The following RINT1 variants were observed in gnomAD, a reference collection of about 807,000 sequenced individuals.
RINT1 encodes RAD50 interactor 1.
A neutral mutation model predicts 97.7 loss-of-function variants in RINT1; 75 were observed. The observed-to-expected ratio is 0.77, with a 90% confidence interval of 0.64 to 0.93. The LOEUF (loss-of-function observed/expected upper bound fraction) is 0.93. Ranked by LOEUF, RINT1 falls within the 40% of genes least tolerant of loss-of-function variation. The probability of loss-of-function intolerance (pLI) is 0.00; values close to 1 mark genes in which losing one functional copy is unlikely to be tolerated. For missense variants in RINT1, 892 were observed against 925.2 expected (o/e 0.96, Z 0.47); for synonymous variants, 303 against 326.3 (o/e 0.93, Z 0.77).
chr7:105,533,830 G>A lies in RINT1; in HGVS notation c.88+961G>A, dbSNP rs572450663. 4.4e-4 allele frequency among the ~76,000 whole-genome samples: 67 copies of A among 152,286 alleles called. 1 individual carries two copies. The South Asian group carries it at 0.012, about 28-fold the overall frequency. On this transcript the variant is annotated intron_variant, in intron 2 of 14. Transcript: ENST00000257700. ...TTTGCCTCATTCAGATGCCTGGAAAGTAGTCTGATGCCTACTGAGCTGTCA... is the reference window on the plus strand; with the variant it reads ...TTTGCCTCATTCAGATGCCTGGAAAATAGTCTGATGCCTACTGAGCTGTCA...
chr7:105,552,573 C>G (rs1195730218), intron 10 of RINT1, among the ~76,000 whole-genome samples: 1 of 151,848 alleles, frequency 6.6e-6, no homozygotes, highest in Non-Finnish European at 1.5e-5. Flanking sequence ...ATCCCTGGCC[C>G]TCTTCACCTT....
intron 7 of RINT1, 143 bp from the exon 8 acceptor site, chr7:105,549,912 G>T: frequency 1.8e-6 from 1 of 555,582 alleles, no homozygotes. Context: ...TTTAAAATTT[G>T]GAGTAGAAAT....
At chr7:105,532,679 C>T in intron 1 of RINT1, 145 bp from the exon 2 acceptor site, 1 of 856,668 alleles carries the variant, frequency 1.2e-6, no homozygotes, top group Non-Finnish European at 1.9e-6. Context: ...TTTGAGGTAC[C>T]TGATTCGGAC....
chr7:105,532,358 G>A lies in RINT1; in HGVS notation c.42+1G>A, dbSNP rs1489338333. 1.2e-6 allele frequency: 2 copies of A among 1,601,688 alleles called. No homozygotes were observed. The highest frequency in any genetic ancestry group is 1.7e-6 in the Non-Finnish European group (2 of 1,175,680). On this transcript the variant is annotated splice_donor_variant, in intron 1 of 14. Coordinates refer to ENST00000257700, the MANE Select transcript of RINT1 (RefSeq NM_021930.6). LOFTEE classifies it high-confidence loss of function. ...GATCGGCGCCTCTCCTGCAGCCCCG[G>A]TGAGACGGCCCTGGCGTCCCTGGGA...
chr7:105,541,195 T>G (rs1325121079), intron 3 of RINT1, among the ~76,000 whole-genome samples: 1 of 150,730 alleles, frequency 6.6e-6, no homozygotes, highest in Non-Finnish European at 1.5e-5. Context: ...CTGGATGGAG[T>G]GCGGTGGTGC....
chr7:105,546,806 A>T, intron 4 of RINT1, 104 bp from the exon 5 acceptor site: 1 of 740,668 alleles, frequency 1.4e-6, no homozygotes. Context: ...AACCTGGGAC[A>T]CAGAATTTGC....
Position 105,562,816 on chromosome 7 carries a change from T to C in RINT1, c.1672-917T>C, listed in dbSNP as rs915733928. 2.6e-5 allele frequency among the ~76,000 whole-genome samples: 4 copies of C among 152,044 alleles called. No individual in the cohort carries two copies. In the East Asian group the frequency reaches 7.7e-4, roughly 29 times the overall value. Reference sequence around the variant, plus strand: ...TACTTAGGAGACTGAGGCAGGAGAATCGCTTGAACCCGGGAGGCGGAGACT... The same window carrying C: ...TACTTAGGAGACTGAGGCAGGAGAACCGCTTGAACCCGGGAGGCGGAGACT... On this transcript the variant is annotated intron_variant, in intron 11 of 14. Coordinates refer to ENST00000257700, the MANE Select transcript of RINT1 (RefSeq NM_021930.6).
rs375563028 is a variant in RINT1, at chr7:105,561,657, G to A, written c.1672-2076G>A. ...GCTTACTGCAAACTCTGCCTCCTGG[G>A]TTCAAGCAATTCTTCTGCCTCAGCC... On this transcript the variant is annotated intron_variant, in intron 11 of 14. Transcript: ENST00000257700. 5.5e-4 allele frequency among the ~76,000 whole-genome samples: 83 copies of A among 152,242 alleles called. 2 individuals carry two copies. The East Asian group carries it at 0.015, about 28-fold the overall frequency.
At chr7:105,543,186 G>C (rs989015394) in intron 4 of RINT1, among the ~76,000 whole-genome samples, 1 of 152,050 alleles carries the variant, frequency 6.6e-6, no homozygotes, top group Non-Finnish European at 1.5e-5. Context: ...TACCGCGTCC[G>C]GCCAAACTTT....
At position 105,532,232 on chromosome 7, in the gene RINT1, G is replaced by A. The variant is rs1790060607; in HGVS notation, c.-84G>A. On this transcript the variant is annotated 5_prime_UTR_variant, in exon 1 of 15. Coordinates refer to ENST00000257700, the MANE Select transcript of RINT1 (RefSeq NM_021930.6). The stretch of plus-strand genomic sequence containing the variant: ...CTCAGTCCTACGGCCTCCGAGGCTG[G>A]GTAGTGAGTGTGTCGCTGGCCTTAG... The A allele has an allele frequency of 1.4e-6, 2 of 1,453,072 alleles. No homozygotes were observed. The highest frequency in any genetic ancestry group is 1.9e-6 in the Non-Finnish European group (2 of 1,074,804). The allele number at this position is 1,453,072 out of a possible 1,614,324, so 90.0% of individuals were successfully genotyped here.
At chr7:105,551,156 GTAGCTGGGAGTATAGGT>G (rs1437434230) in intron 9 of RINT1, among the ~76,000 whole-genome samples, 9 of 152,246 alleles carry the variant, frequency 5.9e-5, no homozygotes, top group Admixed American at 4.6e-4. Context: ...AGCCACCCCA[GTAGCTGGGAGTATAGGT>G]ATATGCAAGC....
Position 105,536,553 on chromosome 7 carries a change from CT to C in RINT1, c.89-8del. The stretch of plus-strand genomic sequence containing the variant: ...TTAGTGGCGTTGAGTAATTGTTATT[CT>C]TTTGTTGTAGGTGACATAAATGTTA... On this transcript the variant is annotated splice_polypyrimidine_tract_variant and intron_variant, in intron 2 of 14. Transcript: ENST00000257700. 1 of 1,546,770 alleles carries C rather than the reference CT, an allele frequency of 6.5e-7. No homozygotes were observed. Among genetic ancestry groups the C allele is most frequent in the Non-Finnish European group, 8.8e-7 (1 of 1,139,794 alleles).
rs754900732 is a variant in RINT1, at chr7:105,548,657, A to G, written c.943A>G (p.Lys315Glu). The G allele has an allele frequency of 1.9e-6, 3 of 1,614,022 alleles. No individual in the cohort carries two copies. In the African/African-American group the frequency reaches 4.0e-5, roughly 22 times the overall value. ...CCAGGTTATGCTGACTCCTCTTCAG[A>G]AGAGGTTCAGGTATCACTTCAGAGG... is the stretch of plus-strand genomic sequence containing the variant. ...PIQVMLTPLQ[K>E]RFRYHFRGNR... The change falls in exon 7 of 15, where the codon AAG becomes GAG. Residue 315 changes from lysine to glutamate, a missense_variant. Lys to Glu is a moderately conservative substitution (Grantham distance 56, BLOSUM62 1). Transcript: ENST00000257700.
intron 10 of RINT1, among the ~76,000 whole-genome samples, chr7:105,552,279 A>G (rs913471503): frequency 1.3e-5 from 2 of 152,214 alleles, no homozygotes; most frequent in African/African-American, 4.8e-5. Context: ...TTTATTATCC[A>G]AACTGTCTTG....
rs201892348 is a variant in RINT1 at position 105,565,621 on chromosome 7, G to T, written c.2159G>T (p.Cys720Phe). ...CTTTTCCCTTTGTTTTCTCACTATT[G>T]CAAGAGACCAGAAAATTATTTTAAA... ...RNLFPLFSHY[C>F]KRPENYFKHI... Residue 720 changes from cysteine to phenylalanine, a missense_variant, in exon 14 of 15, where the codon TGC becomes TTC. Cys to Phe is a radical substitution (Grantham distance 205). Transcript: ENST00000257700. 2.1e-5 allele frequency: 34 copies of T among 1,610,562 alleles called. No individual in the cohort carries two copies. Among genetic ancestry groups the T allele is most frequent in the Non-Finnish European group, 2.5e-5 (29 of 1,177,466 alleles).
intron 11 of RINT1, among the ~76,000 whole-genome samples, chr7:105,559,867 AGAATG>A (rs1469364876): frequency 6.6e-6 from 1 of 152,246 alleles, no homozygotes; most frequent in African/African-American, 2.4e-5. Context: ...AAAAGGAAAA[AGAATG>A]GACAGAATTC....
In RINT1 at chr7:105,563,718, T is replaced by C. The variant is rs1032449812; in HGVS notation, c.1672-15T>C. The stretch of plus-strand genomic sequence containing the variant: ...AAAAAAGTATGCTAATGTGTTAACA[T>C]GTTTTTGCTTTCAGTTCTTTCTACA... On this transcript the variant is annotated splice_polypyrimidine_tract_variant and intron_variant, in intron 11 of 14. Transcript: ENST00000257700. 13 of 1,597,724 alleles carry C rather than the reference T, an allele frequency of 8.1e-6. No individual in the cohort carries two copies. Among genetic ancestry groups the C allele is most frequent in the African/African-American group, 2.7e-5 (2 of 74,578 alleles).
At position 105,565,519 on chromosome 7, in the gene RINT1, CTT is replaced by C; in HGVS notation, c.2068-9_2068-8del. On this transcript the variant is annotated splice_polypyrimidine_tract_variant and intron_variant, in intron 13 of 14. Coordinates refer to ENST00000257700, the MANE Select transcript of RINT1 (RefSeq NM_021930.6). ...AAAGACAACTGTTATATGAATTATT[CTT>C]TGTTTCAGATAATTCTTGCTAATCA... is the stretch of plus-strand genomic sequence containing the variant. 3.7e-6 allele frequency: 6 copies of C among 1,609,802 alleles called. No individual in the cohort carries two copies. The highest frequency in any genetic ancestry group is 1.3e-5 in the African/African-American group (1 of 74,886).
At chr7:105,561,547 TAG>T (rs1224520450) in intron 11 of RINT1, among the ~76,000 whole-genome samples, 1 of 151,906 alleles carries the variant, frequency 6.6e-6, no homozygotes, top group Non-Finnish European at 1.5e-5. Flanking sequence ...AAAAAACAAG[TAG>T]ATAGTGTCAT....
Sources: gnomAD v4.1 joint callset for allele counts (sites outside exome capture counted in the v4.1 genomes callset) on GRCh38, gnomAD v4.1.1 for gene constraint, MANE v1.5 for transcripts, NCBI Gene and HGNC (gene_info 2026-07-23, HGNC 2026-07-21) for gene names.